RP1: variants seen among roughly 807,000 people sequenced by gnomAD.
The protein encoded by RP1 is RP1 axonemal microtubule associated.
Under a neutral mutation model 14.8 loss-of-function variants are expected in RP1, and 16 were observed. The observed-to-expected ratio is 1.08, with a 90% CI of 0.73 to 1.65. The LOEUF (loss-of-function observed/expected upper bound fraction) is 1.65, where lower values mean the gene tolerates loss of function less well. RP1 is among the 40% of genes most tolerant of loss of function. RP1 has a pLI of 0.00. For missense variants in RP1, 2,631 were observed against 2,535.0 expected, an observed-to-expected ratio of 1.04 and a Z score of -0.81; for synonymous variants, 876 against 883.6, an observed-to-expected ratio of 0.99 and a Z score of 0.15.
At chr8:54,613,094 T>C (rs1352982689), upstream of RP1, among the ~76,000 whole-genome samples, 1 of 152,170 alleles carries the variant, frequency 6.6e-6, no homozygotes, top group Non-Finnish European at 1.5e-5. Flanking sequence ...ACACAGTGAG[T>C]ATGCATTAAT....
intron 1 of RP1, among the ~76,000 whole-genome samples, chr8:54,570,135 T>C (rs1317763443): frequency 1.3e-5 from 2 of 152,094 alleles, no homozygotes; most frequent in African/African-American, 4.8e-5. Flanking sequence ...TGGCAGCTGC[T>C]GCAGCCCGAT....
intron 19 of RP1, among the ~76,000 whole-genome samples, chr8:54,740,403 TAA>T (rs34753388): frequency 0.49 from 39,207 of 80,004 alleles, 7,433 homozygotes; most frequent in Middle Eastern, 0.54. Flanking sequence ...GCTTAAAAAG[TAA>T]AAAAAAAAAA....
At chr8:54,782,335 A>C (rs1810209089) in intron 23 of RP1, among the ~76,000 whole-genome samples, 1 of 152,136 alleles carries the variant, frequency 6.6e-6, no homozygotes, top group Non-Finnish European at 1.5e-5. Flanking sequence ...ATTTGATGCA[A>C]GTTTTATCAA....
At chr8:54,592,276 G>A (rs1805057667) in intron 1 of RP1, among the ~76,000 whole-genome samples, 1 of 152,160 alleles carries the variant, frequency 6.6e-6, no homozygotes, top group African/African-American at 2.4e-5. Context: ...GTGCAATTTG[G>A]GAGAGAGCAA....
Position 54,626,105 on chromosome 8 carries a change from T to C in RP1, c.2223T>C (p.Asn741=), listed in dbSNP as rs1585563387. 1.2e-6 allele frequency: 2 copies of C among 1,613,472 alleles called. No individual in the cohort carries two copies. Among genetic ancestry groups the C allele is most frequent in the East Asian group, 4.5e-5 (2 of 44,830 alleles). The change falls in exon 4 of 4, where the codon AAT becomes AAC. Residue 741 remains asparagine, a synonymous_variant. Coordinates refer to ENST00000220676, the MANE Select transcript of RP1 (RefSeq NM_006269.2). ...AAAGTGATACTGTAATTGAATCAAA[T>C]ACTTTTTGTTCCAAAAGTAATCTCA... ...LQKSDTVIES[N]TFCSKSNLNS...
intron 25 of RP1, among the ~76,000 whole-genome samples, chr8:54,844,367 A>G (rs1391980681): frequency 1.3e-5 from 2 of 152,230 alleles, no homozygotes; most frequent in Non-Finnish European, 1.5e-5. Context: ...AACCTATAGA[A>G]GGACCTGAGT....
rs545606797 is a variant in RP1 at position 54,775,770 on chromosome 8, G to A, written c.3451+5603G>A. ...GATCATGGTAGCAGTAGAATTGGTAGTGGATAGGCTCATACAGACCTGCAT... is the reference window on the plus strand; with the variant it reads ...GATCATGGTAGCAGTAGAATTGGTAATGGATAGGCTCATACAGACCTGCAT... On this transcript the variant is annotated intron_variant, in intron 23 of 28. Coordinates refer to the RP1 transcript ENST00000637698. 9.3e-4 allele frequency among the ~76,000 whole-genome samples: 142 copies of A among 152,344 alleles called. 1 individual carries two copies. In the South Asian group the frequency reaches 0.029, roughly 31 times the overall value.
intron 24 of RP1, among the ~76,000 whole-genome samples, chr8:54,811,304 G>T (rs1454928953): frequency 6.6e-6 from 1 of 152,146 alleles, no homozygotes; most frequent in Non-Finnish European, 1.5e-5. Context: ...CTGCCAGGCT[G>T]CTTCCTGTAA....
intron 6 of RP1, among the ~76,000 whole-genome samples, chr8:54,658,550 C>CAAAAAAAA (rs755052184): frequency 1.2e-5 from 1 of 81,800 alleles, no homozygotes; most frequent in Non-Finnish European, 2.2e-5. Flanking sequence ...GACTCCGTCT[C>CAAAAAAAA]AAAAAAAAAA....
At chr8:54,738,889 T>G in intron 18 of RP1, 1 of 1,180,560 alleles carries the variant, frequency 8.5e-7, no homozygotes. Context: ...AATTTTTTAA[T>G]GTGCTTAATT....
chr8:54,713,688 C>T (rs1408921619), intron 15 of RP1, among the ~76,000 whole-genome samples: 1 of 152,172 alleles, frequency 6.6e-6, no homozygotes, highest in African/African-American at 2.4e-5. Flanking sequence ...GTTAGGTTTA[C>T]ACGGTGCTAG....
At chr8:54,801,459 T>A (rs1810704912) in intron 24 of RP1, among the ~76,000 whole-genome samples, 1 of 152,172 alleles carries the variant, frequency 6.6e-6, no homozygotes, top group South Asian at 2.1e-4. Flanking sequence ...GTGCCCTTTC[T>A]TAGTTGCAAT....
chr8:54,719,168 T>C (rs1808477640), intron 15 of RP1, among the ~76,000 whole-genome samples: 1 of 152,120 alleles, frequency 6.6e-6, no homozygotes, highest in Non-Finnish European at 1.5e-5. Flanking sequence ...CCCTCTGTCT[T>C]AGTTTATGGT....
intron 27 of RP1, among the ~76,000 whole-genome samples, chr8:54,858,359 T>A (rs1246601775): frequency 1.3e-5 from 2 of 152,240 alleles, no homozygotes; most frequent in African/African-American, 4.8e-5. Flanking sequence ...ATACATGGTG[T>A]CACTGTAGAG....
intron 19 of RP1, among the ~76,000 whole-genome samples, chr8:54,740,019 G>A (rs11778137): frequency 0.3 from 44,921 of 150,522 alleles, 8,154 homozygotes; most frequent in Middle Eastern, 0.47. Flanking sequence ...GTAAGCAACT[G>A]TTACTGGGAT....
intron 12 of RP1, among the ~76,000 whole-genome samples, chr8:54,689,966 T>C (rs1003467170): frequency 6.6e-6 from 1 of 152,090 alleles, no homozygotes; most frequent in African/African-American, 2.4e-5. Context: ...AAATCTTCTT[T>C]GCACTTTCAA....
chr8:54,758,462 G>T (rs1809561560), intron 21 of RP1, among the ~76,000 whole-genome samples: 1 of 148,110 alleles, frequency 6.8e-6, no homozygotes, highest in African/African-American at 2.5e-5. Flanking sequence ...GGGAAGGAGG[G>T]AGGGAGGGAG....
At chr8:54,788,642 C>T (rs1166936651) in intron 24 of RP1, among the ~76,000 whole-genome samples, 1 of 152,084 alleles carries the variant, frequency 6.6e-6, no homozygotes, top group African/African-American at 2.4e-5. Flanking sequence ...TCGTTAGTTA[C>T]AAAAGTTGAA....
chr8:54,836,634 C>T (rs1811663307), intron 24 of RP1, among the ~76,000 whole-genome samples: 1 of 152,192 alleles, frequency 6.6e-6, no homozygotes, highest in South Asian at 2.1e-4. Context: ...CGTGAATAAG[C>T]TTGGAAGCGG....
Sources: gnomAD v4.1 joint callset for allele counts (sites outside exome capture counted in the v4.1 genomes callset) on GRCh38, gnomAD v4.1.1 for gene constraint, MANE v1.5 for transcripts, NCBI Gene and HGNC (gene_info 2026-07-23, HGNC 2026-07-21) for gene names.